ATP13A2: variants seen among roughly 807,000 people sequenced by gnomAD.
ATP13A2 encodes the protein polyamine-transporting ATPase 13A2.
ATP13A2 carries 83 observed loss-of-function variants against 138.3 expected under a neutral mutation model. The observed-to-expected ratio is 0.60, with a 90% CI of 0.50 to 0.72. The LOEUF is 0.72. ATP13A2 is among the 30% of genes least tolerant of loss of function. The pLI is 0.00. For synonymous variants in ATP13A2, 663 were observed against 699.0 expected (o/e 0.95, Z 0.81); for missense variants, 1,402 against 1,606.4 (o/e 0.87, Z 2.17).
rs573958976 is a variant in ATP13A2 at position 17,009,421 on chromosome 1, G to T, written c.10+2308C>A. Among the ~76,000 whole-genome samples, 7 of 141,788 alleles carry T rather than the reference G, an allele frequency of 4.9e-5. No homozygotes were observed. In the South Asian group the frequency reaches 1.6e-3, roughly 32 times the overall value. 93.0% of individuals were successfully genotyped at this position (141,788 alleles called of 152,430 possible). A position where few individuals can be genotyped will look rare whatever the true frequency, so the allele number is the denominator to read the frequency against. ...TTTTTTTTTTTTTTTAAAAGAGACA[G>T]GGTCTCACTCTGTCACCCAGGCTGG... On this transcript the variant is annotated intron_variant, in intron 1 of 28. Transcript: ENST00000326735.
At position 16,996,888 on chromosome 1, in the gene ATP13A2, G is replaced by A. The variant is rs528172402; in HGVS notation, c.1195+132C>T. Reference sequence around the variant, plus strand: ...ACCCCAGATGGGGGGCAACTGGCCCGAGGTCCCACAGCAGGGCAGCAGCAG... The same window carrying A: ...ACCCCAGATGGGGGGCAACTGGCCCAAGGTCCCACAGCAGGGCAGCAGCAG... On this transcript the variant is annotated intron_variant, in intron 12 of 28. Coordinates refer to ENST00000326735, the MANE Select transcript of ATP13A2 (RefSeq NM_022089.4). 1,102 of 1,188,454 alleles carry A rather than the reference G, an allele frequency of 9.3e-4. 2 individuals carry two copies. Among genetic ancestry groups the A allele is most frequent in the Non-Finnish European group, 1.2e-3 (1,021 of 830,044 alleles). 73.6% of individuals were successfully genotyped at this position (1,188,454 alleles called of 1,614,324 possible).
chr1:16,990,276 G>A lies in ATP13A2; in HGVS notation c.2263C>T (p.Gln755Ter), dbSNP rs200924194. 6.2e-7 allele frequency: 1 copy of A among 1,614,028 alleles called. No individual in the cohort carries two copies. The highest frequency in any genetic ancestry group is 8.5e-7 in the Non-Finnish European group (1 of 1,180,026). The stretch of plus-strand genomic sequence containing the variant: ...CCCCGGGCCACAGTCACCGCTGTCT[G>A]CAGGTTGTCCCCTGGGGGTTATGGG... ...RAVMVTGDNL[Q>*]TAVTVARGCG... The change falls in exon 21 of 29, where the codon CAG becomes TAG. Residue 755 changes from glutamine (Q) to a stop codon, truncating the protein, a stop_gained. Coordinates refer to ENST00000326735, the MANE Select transcript of ATP13A2 (RefSeq NM_022089.4). LOFTEE classifies it high-confidence loss of function.
rs755542233 is a variant in ATP13A2 at position 16,988,201 on chromosome 1, G to A, written c.2796C>T (p.Ser932=). 1.7e-5 allele frequency: 28 copies of A among 1,614,078 alleles called. No homozygotes were observed. Among genetic ancestry groups the A allele is most frequent in the African/African-American group, 2.7e-5 (2 of 74,940 alleles). The change falls in exon 25 of 29, where the codon AGC becomes AGT. Residue 932 remains serine, a synonymous_variant. Coordinates refer to ENST00000326735, the MANE Select transcript of ATP13A2 (RefSeq NM_022089.4). The stretch of plus-strand genomic sequence containing the variant: ...TGTACAGAGCCATGTACTTGAAGAC[G>A]CTGAACGAAGTGTCAAGGGAACAGC... ...EGRCSLDTSF[S]VFKYMALYSL...
At chr1:16,996,679 A>G (rs1248134261) in intron 12 of ATP13A2, 183 bp from the exon 13 acceptor site, 1 of 632,742 alleles carries the variant, frequency 1.6e-6, no homozygotes, top group Non-Finnish European at 2.8e-6. Flanking sequence ...AGGGCTTTAA[A>G]CAAGGAACTA....
intron 16 of ATP13A2, 106 bp downstream of exon 16, chr1:16,993,523 T>C: frequency 1.8e-6 from 2 of 1,106,558 alleles, no homozygotes; most frequent in Non-Finnish European, 2.6e-6. Context: ...TTATTAATGG[T>C]GGGCATAATA....
chr1:17,010,903 T>G (rs560320422), intron 1 of ATP13A2, among the ~76,000 whole-genome samples: 19 of 152,124 alleles, frequency 1.2e-4, no homozygotes, highest in Non-Finnish European at 2.6e-4. Context: ...GGCGGGGAGC[T>G]CCTGTCTTCT....
chr1:17,007,550 CTTTTTT>C (rs67484789), intron 1 of ATP13A2, among the ~76,000 whole-genome samples: 1 of 80,790 alleles, frequency 1.2e-5, no homozygotes, highest in Admixed American at 1.4e-4. Flanking sequence ...AAAATTTTTC[CTTTTTT>C]TTTTTTTTTT....
chr1:17,004,408 G>T lies in ATP13A2; in HGVS notation c.481C>A (p.Arg161=). ...SEEAVSVGQK[R]VLRYYLFQGQ... ...TGGAAGAGGTAATACCGCAGCACCC[G>T]CTTCTGGGTGGGAGAGAGGAGAGGA... The change falls in exon 6 of 29, where the codon CGG becomes AGG. Residue 161 remains arginine, a synonymous_variant. Coordinates refer to ENST00000326735, the MANE Select transcript of ATP13A2 (RefSeq NM_022089.4). This position sits in a 1 kb window ranked among gnomAD's most constrained non-coding sequence, Gnocchi z 4.1. The T allele has an allele frequency of 6.2e-7, 1 of 1,614,018 alleles. No homozygotes were observed. Among genetic ancestry groups the T allele is most frequent in the South Asian group, 1.1e-5 (1 of 91,056 alleles).
rs1378991165 is a variant in ATP13A2, at chr1:16,987,050, G to A, written c.3079C>T (p.Pro1027Ser). 1 of 1,613,448 alleles carries A rather than the reference G, an allele frequency of 6.2e-7. No individual in the cohort carries two copies. The highest frequency in any genetic ancestry group is 8.5e-7 in the Non-Finnish European group (1 of 1,179,968). Reference sequence around the variant, plus strand: ...GTCAGTCAGCTCCCTACTCACCATGGCTGGGCCAGGGTCAGGAAGTAGCCC... The same window carrying A: ...GTCAGTCAGCTCCCTACTCACCATGACTGGGCCAGGGTCAGGAAGTAGCCC... ...LGGYFLTLAQ[P>S]WFVPLNRTVA... The change falls in exon 26 of 29, where the codon CCA becomes TCA. Residue 1027 changes from proline to serine, a missense_variant. Coordinates refer to ENST00000326735, the MANE Select transcript of ATP13A2 (RefSeq NM_022089.4).
Position 16,985,977 on chromosome 1 carries a change from T to TA in ATP13A2, c.*243_*244insT. 1 of 1,443,124 alleles carries TA rather than the reference T, an allele frequency of 6.9e-7. No homozygotes were observed. The allele number at this position is 1,443,124 out of a possible 1,614,324, so 89.4% of individuals were successfully genotyped here. A position where few individuals can be genotyped will look rare whatever the true frequency, so the allele number is the denominator to read the frequency against. Reference sequence around the variant, plus strand: ...AGCAGAGCCAGGAAAATATCATGACTTTATTTGCTACACTGACAGCAGCAC... The same window carrying TA: ...AGCAGAGCCAGGAAAATATCATGACTATTATTTGCTACACTGACAGCAGCAC... On this transcript the variant is annotated 3_prime_UTR_variant, in exon 29 of 29. Transcript: ENST00000326735.
At chr1:16,994,722 G>C (rs536990072) in intron 15 of ATP13A2, among the ~76,000 whole-genome samples, 6 of 151,938 alleles carry the variant, frequency 3.9e-5, no homozygotes, top group Non-Finnish European at 8.8e-5. Context: ...GAGTGCAGTG[G>C]TGTGATCTCA....
intron 10 of ATP13A2, 52 bp from the exon 11 acceptor site, chr1:17,000,194 G>GCCCCCCCCCCCCCCCCCCCCC: frequency 4.5e-6 from 7 of 1,570,252 alleles, no homozygotes; most frequent in East Asian, 2.3e-5. Context: ...CCCCAGCCAT[G>GCCCCCCCCCCCCCCCCCCCCC]CCCCCCCACC....
rs200737916 is a variant in ATP13A2, at chr1:16,994,636, A to AT, written c.1543-802dup. Among the ~76,000 whole-genome samples, 49 of 152,096 alleles carry AT rather than the reference A, an allele frequency of 3.2e-4. 2 individuals carry two copies. The East Asian group carries it at 9.2e-3, about 28-fold the overall frequency. ...TGGCTCCTTGGCTAGCCTGGGAACT[A>AT]TAAGAATCTGGTCATCCCCCTCCCC... On this transcript the variant is annotated intron_variant, in intron 15 of 28. Transcript: ENST00000326735.
At chr1:16,998,211 T>C (rs1027671063) in intron 11 of ATP13A2, among the ~76,000 whole-genome samples, 28 of 152,162 alleles carry the variant, frequency 1.8e-4, no homozygotes, top group South Asian at 2.1e-4. Flanking sequence ...TACTACTTTT[T>C]TTTTGTTTTC....
chr1:16,997,304 A>G, intron 11 of ATP13A2, 129 bp from the exon 12 acceptor site: 1 of 1,113,252 alleles, frequency 9.0e-7, no homozygotes, highest in Non-Finnish European at 1.3e-6. Flanking sequence ...TGAACAAGAA[A>G]TCACAGCCCC....
At chr1:17,003,697 T>C (rs995643439) in intron 6 of ATP13A2, among the ~76,000 whole-genome samples, 2 of 148,678 alleles carry the variant, frequency 1.3e-5, no homozygotes, top group African/African-American at 4.9e-5. Context: ...GGAGTCATGC[T>C]CTGTCATCCA....
chr1:17,001,618 T>A (rs1199057129), intron 8 of ATP13A2, among the ~76,000 whole-genome samples: 1 of 152,192 alleles, frequency 6.6e-6, no homozygotes, highest in Non-Finnish European at 1.5e-5. Context: ...ACCTTGGCCA[T>A]GTCACAGCCT....
intron 1 of ATP13A2, among the ~76,000 whole-genome samples, chr1:17,007,449 A>G (rs566061082): frequency 1.3e-5 from 2 of 152,212 alleles, no homozygotes; most frequent in South Asian, 4.1e-4. Context: ...AGCCTCTGAA[A>G]AAGCTCACTA....
Position 17,002,356 on chromosome 1 carries a change from C to A in ATP13A2, c.575G>T (p.Arg192Leu). The change falls in exon 7 of 29, where the codon CGC becomes CTC. Residue 192 changes from arginine (R) to leucine (L), a missense_variant. Arg to Leu is a moderately radical substitution (Grantham distance 102). Coordinates refer to ENST00000326735, the MANE Select transcript of ATP13A2 (RefSeq NM_022089.4). ...GGAGCGGTGGACGTCGTCACAAGAG[C>A]GGCCATGGTCCAGGAGGCTGGGGGT... The part of the protein sequence containing the change: ...FYQVSLLDHG[R>L]SCDDVHRSRH... 1.2e-6 allele frequency: 2 copies of A among 1,613,108 alleles called. No homozygotes were observed. Among genetic ancestry groups the A allele is most frequent in the Non-Finnish European group, 1.7e-6 (2 of 1,179,804 alleles).
Sources: gnomAD v4.1 joint callset for allele counts (sites outside exome capture counted in the v4.1 genomes callset) on GRCh38, gnomAD v4.1.1 for gene constraint, Gnocchi (gnomAD v3.1) non-coding constraint, MANE v1.5 for transcripts, NCBI Gene and HGNC (gene_info 2026-07-23, HGNC 2026-07-21) for gene names.